Variants in TMEM63A observed in about 807,000 individuals in gnomAD.
TMEM63A encodes the protein transmembrane protein 63A.
In TMEM63A, 76 loss-of-function variants were observed where a neutral mutation model predicts 100.6. The observed-to-expected ratio is 0.76, with a 90% confidence interval of 0.63 to 0.91. The LOEUF is 0.91. TMEM63A is among the 40% of genes least tolerant of loss of function. The probability of loss-of-function intolerance (pLI) is 0.00; values close to 1 mark genes in which losing one functional copy is unlikely to be tolerated. For missense variants in TMEM63A, 876 were observed against 1,008.8 expected (o/e 0.87, Z 1.78); for synonymous variants, 401 against 401.1 (o/e 1.00, Z 0.00).
At chr1:225,844,131 G>A (rs1668686722), downstream of TMEM63A, among the ~76,000 whole-genome samples, 1 of 152,112 alleles carries the variant, frequency 6.6e-6, no homozygotes, top group African/African-American at 2.4e-5. Context: ...AGAAGGTAAG[G>A]AGCTTAGAAC....
chr1:225,866,610 G>A lies in TMEM63A; in HGVS notation c.639C>T (p.His213=). Residue 213 remains histidine (H), a synonymous_variant, in exon 9 of 25, where the codon CAC becomes CAT. Coordinates refer to ENST00000366835, the MANE Select transcript of TMEM63A (RefSeq NM_014698.3). ...YLFLTVGFMR[H]HTQSIKYKEE... ...CTTTGTACTTAATGGACTGAGTGTG[G>A]TGCCGCATGAAACCCACAGTGAGGA... 6.2e-7 allele frequency: 1 copy of A among 1,614,096 alleles called. No individual in the cohort carries two copies. The highest frequency in any genetic ancestry group is 8.5e-7 in the Non-Finnish European group (1 of 1,179,986).
chr1:225,870,253 G>A (rs1021494421), intron 6 of TMEM63A, among the ~76,000 whole-genome samples: 7 of 151,906 alleles, frequency 4.6e-5, no homozygotes, highest in African/African-American at 1.7e-4. Flanking sequence ...TCTGGAGGCT[G>A]AGGCAGGAGA....
intron 1 of TMEM63A, among the ~76,000 whole-genome samples, chr1:225,881,190 T>C (rs1356167448): frequency 1.3e-5 from 2 of 152,188 alleles, no homozygotes; most frequent in Non-Finnish European, 2.9e-5. Flanking sequence ...CCAGAGGCAG[T>C]GTGGCTCAGG....
Position 225,850,073 on chromosome 1 carries a change from A to G in TMEM63A, c.1910T>C (p.Ile637Thr), listed in dbSNP as rs745872415. ...CACCATGTGCTTGAGCAGGATGTAG[A>G]TGAGGCCTGCAGGGGATGGGGCTGT... ...TCPIIAPFGLIYILLKHMVDR... is the reference protein window; with the variant it reads ...TCPIIAPFGLTYILLKHMVDR... Residue 637 changes from isoleucine to threonine, a missense_variant, in exon 21 of 25, where the codon ATC becomes ACC. Around this residue, in one of 5 missense-constraint regions of TMEM63A, gnomAD observed 339 missense variants for 342.3 expected, o/e 0.99. Coordinates refer to ENST00000366835, the MANE Select transcript of TMEM63A (RefSeq NM_014698.3). 4 of 1,613,998 alleles carry G rather than the reference A, an allele frequency of 2.5e-6. No individual in the cohort carries two copies. Among genetic ancestry groups the G allele is most frequent in the East Asian group, 2.2e-5 (1 of 44,882 alleles).
chr1:225,846,594 TGTG>T lies in TMEM63A; in HGVS notation c.*342_*344del, dbSNP rs1222544203. The T allele has an allele frequency of 6.4e-6, 1 of 155,090 alleles. No individual in the cohort carries two copies. Among genetic ancestry groups the T allele is most frequent in the African/African-American group, 2.4e-5 (1 of 41,554 alleles). 9.6% of individuals were successfully genotyped at this position (155,090 alleles called of 1,614,324 possible). ...CTGCAGCATCTCTTTGGTTATCGGTTGTGTGTGTGCTCAGAAGGGAGGAGGCCT... is the reference window on the plus strand; with the variant it reads ...CTGCAGCATCTCTTTGGTTATCGGTTTGTGTGCTCAGAAGGGAGGAGGCCT... On this transcript the variant is annotated 3_prime_UTR_variant, in exon 25 of 25. Transcript: ENST00000366835.
In TMEM63A at chr1:225,862,172, G is replaced by T; in HGVS notation, c.1085+46C>A. The T allele has an allele frequency of 6.2e-7, 1 of 1,608,950 alleles. No homozygotes were observed. The highest frequency in any genetic ancestry group is 8.5e-7 in the Non-Finnish European group (1 of 1,177,546). ...GAGGGACAGTGAGTTATCTGGAGGGGAACAGGGAGTCAGCCAAGAAGGGGT... is the reference window on the plus strand; with the variant it reads ...GAGGGACAGTGAGTTATCTGGAGGGTAACAGGGAGTCAGCCAAGAAGGGGT... On this transcript the variant is annotated intron_variant, in intron 13 of 24. Transcript: ENST00000366835. The surrounding 1 kb of genome is among the most constrained non-coding windows in gnomAD (Gnocchi z 5.1).
chr1:225,842,859 G>A (rs1469300038), downstream of TMEM63A, among the ~76,000 whole-genome samples: 25 of 152,226 alleles, frequency 1.6e-4, no homozygotes, highest in Non-Finnish European at 1.5e-5. Context: ...TGTTCCAGGA[G>A]GGTGGTCGCA....
At chr1:225,872,689 CTTTTTTTT>C (rs67884791) in intron 4 of TMEM63A, among the ~76,000 whole-genome samples, 2 of 87,062 alleles carry the variant, frequency 2.3e-5, no homozygotes, top group Non-Finnish European at 2.2e-5. Context: ...TGCTTTTCTT[CTTTTTTTT>C]TTTTTTTTTT....
At chr1:225,856,803 C>T in intron 16 of TMEM63A, 65 bp from the exon 17 acceptor site, 1 of 1,587,368 alleles carries the variant, frequency 6.3e-7, no homozygotes, top group Non-Finnish European at 8.6e-7. Flanking sequence ...CAGTGAGGCC[C>T]CTGCCATGTG....
At chr1:225,877,647 C>T in intron 2 of TMEM63A, 53 bp from the exon 3 acceptor site, 2 of 1,521,674 alleles carry the variant, frequency 1.3e-6, no homozygotes, top group South Asian at 2.5e-5. Flanking sequence ...AAATTTCTTG[C>T]AGGTTCCCAC....
At chr1:225,879,523 T>A (rs1043113054) in intron 1 of TMEM63A, 113 bp from the exon 2 acceptor site, 1 of 152,620 alleles carries the variant, frequency 6.6e-6, no homozygotes, top group African/African-American at 2.4e-5. Context: ...CATATGGACC[T>A]TTAGGTTCTG....
rs2102631435 is a variant in TMEM63A at position 225,867,877 on chromosome 1, A to G, written c.514+11T>C. Reference sequence around the variant, plus strand: ...CATTACAACATAGACAAGGGTGAGGAGGGTCATTACCCAGCAAGTCCCCTG... The same window carrying G: ...CATTACAACATAGACAAGGGTGAGGGGGGTCATTACCCAGCAAGTCCCCTG... On this transcript the variant is annotated intron_variant, in intron 7 of 24. Transcript: ENST00000366835. This position sits in a 1 kb window ranked among gnomAD's most constrained non-coding sequence, Gnocchi z 4.6. The G allele has an allele frequency of 2.5e-6, 4 of 1,614,098 alleles. No homozygotes were observed. In the East Asian group the frequency reaches 8.9e-5, roughly 36 times the overall value.
chr1:225,878,798 C>A (rs1214411131), intron 2 of TMEM63A, among the ~76,000 whole-genome samples: 3 of 151,886 alleles, frequency 2.0e-5, no homozygotes, highest in Admixed American at 2.0e-4. Flanking sequence ...ACCAGTAGTG[C>A]TGGTGAGGTG....
chr1:225,847,090 A>G lies in TMEM63A; in HGVS notation c.2374T>C (p.Leu792=). 1 of 1,613,806 alleles carries G rather than the reference A, an allele frequency of 6.2e-7. No homozygotes were observed. Among genetic ancestry groups the G allele is most frequent in the Non-Finnish European group, 8.5e-7 (1 of 1,179,992 alleles). ...ACACTGCCCGTGGCGCTCTGCGCCA[A>G]GCACTGTCCAGGGATAGTCCCGCTG... ...NISGTIPGQC[L]AQSATGSVAA... is the part of the protein sequence containing the mutation. Residue 792 remains leucine (L), a synonymous_variant, in exon 24 of 25, where the codon TTG becomes CTG. Coordinates refer to ENST00000366835, the MANE Select transcript of TMEM63A (RefSeq NM_014698.3).
chr1:225,877,791 G>T, intron 2 of TMEM63A, 197 bp from the exon 3 acceptor site: 1 of 537,712 alleles, frequency 1.9e-6, no homozygotes, highest in Non-Finnish European at 3.3e-6. Context: ...GCTGCATTGT[G>T]GGACAATCTC....
At position 225,867,011 on chromosome 1, in the gene TMEM63A, GC is replaced by G; in HGVS notation, c.566+100del. 8.1e-7 allele frequency: 1 copy of G among 1,232,558 alleles called. No homozygotes were observed. Among genetic ancestry groups the G allele is most frequent in the Non-Finnish European group, 1.2e-6 (1 of 833,578 alleles). 76.4% of individuals were successfully genotyped at this position (1,232,558 alleles called of 1,614,324 possible). A position where few individuals can be genotyped will look rare whatever the true frequency, so the allele number is the denominator to read the frequency against. ...AGCTGCAAGGGGCCTTCAGATACCA[GC>G]CGGCCCCCTTTGGAGTACCTCTGGC... On this transcript the variant is annotated intron_variant, in intron 8 of 24. Coordinates refer to ENST00000366835, the MANE Select transcript of TMEM63A (RefSeq NM_014698.3). The surrounding 1 kb of genome is among the most constrained non-coding windows in gnomAD (Gnocchi z 4.6).
chr1:225,878,861 CACCTACCT>C (rs1374393104), intron 2 of TMEM63A, among the ~76,000 whole-genome samples: 35 of 146,472 alleles, frequency 2.4e-4, no homozygotes, highest in Non-Finnish European at 2.7e-4. Context: ...CACACATGGA[CACCTACCT>C]ACCTACCTAC....
At position 225,867,289 on chromosome 1, in the gene TMEM63A, G is replaced by C; in HGVS notation, c.515-126C>G. The C allele has an allele frequency of 1.1e-6, 1 of 945,012 alleles. No homozygotes were observed. Among genetic ancestry groups the C allele is most frequent in the Non-Finnish European group, 1.7e-6 (1 of 579,296 alleles). The allele number at this position is 945,012 out of a possible 1,614,324, so 58.5% of individuals were successfully genotyped here. A position where few individuals can be genotyped will look rare whatever the true frequency, so the allele number is the denominator to read the frequency against. ...ATGTCTGGACCAGCAGGAAGACAAC[G>C]TCTGACTGGTCTTTCCAGAGCTACA... is the stretch of plus-strand genomic sequence containing the variant. On this transcript the variant is annotated intron_variant, in intron 7 of 24. Transcript: ENST00000366835. The surrounding 1 kb of genome is among the most constrained non-coding windows in gnomAD (Gnocchi z 4.6).
Position 225,862,304 on chromosome 1 carries a change from C to G in TMEM63A, c.999G>C (p.Glu333Asp). The change falls in exon 13 of 25, where the codon GAG (glutamate) becomes GAC (aspartate). Residue 333 changes from glutamate to aspartate, a missense_variant. Coordinates refer to ENST00000366835, the MANE Select transcript of TMEM63A (RefSeq NM_014698.3). This position sits in a 1 kb window ranked among gnomAD's most constrained non-coding sequence, Gnocchi z 5.1. ...CGTGGCGTTCTTCCTCTGTGATCCT[C>G]TCCAGCAGCCTGTCCTTCATCCGTG... ...YYTRMKDRLL[E>D]RITEEERHVQ... 6.2e-7 allele frequency: 1 copy of G among 1,614,206 alleles called. No homozygotes were observed. Among genetic ancestry groups the G allele is most frequent in the South Asian group, 1.1e-5 (1 of 91,090 alleles).
Sources: gnomAD v4.1 joint callset for allele counts (sites outside exome capture counted in the v4.1 genomes callset) on GRCh38, gnomAD v4.1.1 for gene constraint, gnomAD v4.1.1 regional missense constraint, Gnocchi (gnomAD v3.1) non-coding constraint, MANE v1.5 for transcripts, NCBI Gene and HGNC (gene_info 2026-07-23, HGNC 2026-07-21) for gene names.